STPG2: variants seen among roughly 807,000 people sequenced by gnomAD.
STPG2 encodes sperm-tail PG-rich repeat-containing protein 2.
STPG2 carries 56 observed loss-of-function variants against 54.2 expected under a neutral mutation model. The ratio of observed to expected loss-of-function variants is 1.03; its 90% confidence interval spans 0.83 to 1.29. STPG2 has a LOEUF of 1.29. Among genes scored for constraint, STPG2 ranks in the 50% most tolerant of loss-of-function variants. The pLI, the probability that STPG2 is intolerant of heterozygous loss-of-function variation, is 0.00. For synonymous variants in STPG2, 200 were observed against 181.8 expected, an observed-to-expected ratio of 1.10 and a Z score of -0.81; for missense variants, 596 against 544.9, an observed-to-expected ratio of 1.09 and a Z score of -0.93.
At chr4:97,749,725 T>C (rs529489353) in intron 9 of STPG2, among the ~76,000 whole-genome samples, 1 of 151,886 alleles carries the variant, frequency 6.6e-6, no homozygotes, top group Admixed American at 6.6e-5. Context: ...TGTATGGTGG[T>C]TGTAATTTTA....
At chr4:97,606,085 T>C (rs970394521) in intron 10 of STPG2, among the ~76,000 whole-genome samples, 1 of 151,856 alleles carries the variant, frequency 6.6e-6, no homozygotes, top group Non-Finnish European at 1.5e-5. Context: ...TTTGAAATGA[T>C]TTAGGACCTT....
At chr4:98,089,610 C>G (rs1016556773) in intron 5 of STPG2, among the ~76,000 whole-genome samples, 2 of 151,510 alleles carry the variant, frequency 1.3e-5, no homozygotes, top group African/African-American at 2.4e-5. Context: ...CTACTTTTAG[C>G]TTTTTAAGGA....
intron 8 of STPG2, among the ~76,000 whole-genome samples, chr4:97,865,175 A>AT (rs1197912488): frequency 1.3e-5 from 2 of 152,112 alleles, no homozygotes; most frequent in Non-Finnish European, 2.9e-5. Context: ...ATGGGAGAAA[A>AT]TTTTTGCAAT....
intron 9 of STPG2, among the ~76,000 whole-genome samples, chr4:97,715,237 T>C (rs1186616634): frequency 1.3e-5 from 2 of 152,192 alleles, no homozygotes; most frequent in Admixed American, 1.3e-4. Context: ...CTCTCATTCA[T>C]AGCTAGATTA....
intron 7 of STPG2, among the ~76,000 whole-genome samples, chr4:97,961,258 A>T (rs1307264696): frequency 6.6e-6 from 1 of 152,104 alleles, no homozygotes; most frequent in African/African-American, 2.4e-5. Flanking sequence ...AGAAGATAAC[A>T]CCAGCAAAAA....
intron 5 of STPG2, among the ~76,000 whole-genome samples, chr4:98,070,604 C>T (rs984165678): frequency 6.6e-6 from 1 of 151,920 alleles, no homozygotes; most frequent in African/African-American, 2.4e-5. Context: ...AATCCTATAT[C>T]TAGAAAAACC....
At chr4:97,783,924 G>A (rs1016917903) in intron 9 of STPG2, among the ~76,000 whole-genome samples, 1 of 152,050 alleles carries the variant, frequency 6.6e-6, no homozygotes, top group African/African-American at 2.4e-5. Context: ...GTCATGGGGT[G>A]GGGGGAGAGG....
intron 4 of STPG2, among the ~76,000 whole-genome samples, chr4:97,477,562 C>T (rs1246470101): frequency 6.0e-5 from 9 of 150,606 alleles, no homozygotes; most frequent in Admixed American, 1.3e-4. Flanking sequence ...CTGCAAGCTC[C>T]GCCTCCCAGG....
At chr4:97,803,478 A>C (rs984349091) in intron 9 of STPG2, among the ~76,000 whole-genome samples, 1 of 152,174 alleles carries the variant, frequency 6.6e-6, no homozygotes, top group African/African-American at 2.4e-5. Flanking sequence ...GGGAGGATCT[A>C]TTCCAAGCAG....
chr4:98,066,000 T>C (rs1456141890), intron 5 of STPG2, among the ~76,000 whole-genome samples: 1 of 151,886 alleles, frequency 6.6e-6, no homozygotes, highest in East Asian at 1.9e-4. Flanking sequence ...ATCATTAAAT[T>C]TAATAATTTA....
intron 9 of STPG2, among the ~76,000 whole-genome samples, chr4:97,737,350 A>G (rs1226808794): frequency 2.0e-5 from 3 of 152,338 alleles, no homozygotes; most frequent in African/African-American, 4.8e-5. Context: ...AACGGAACAA[A>G]GCTGGACGGA....
At position 97,470,091 on chromosome 4, in the gene STPG2, T is replaced by C. The variant is rs537745234; in HGVS notation, c.462+242608A>G. Among the ~76,000 whole-genome samples, 5 of 152,292 alleles carry C rather than the reference T, an allele frequency of 3.3e-5. No individual in the cohort carries two copies. The South Asian group carries it at 1.0e-3, about 32-fold the overall frequency. On this transcript the variant is annotated intron_variant, in intron 4 of 4. Transcript: ENST00000522676. Reference sequence around the variant, plus strand: ...AGCTATGATTGTAGATGGTTTATGCTTATTTCCATCTTATAAAATAAAATG... The same window carrying C: ...AGCTATGATTGTAGATGGTTTATGCCTATTTCCATCTTATAAAATAAAATG...
chr4:97,588,149 G>C (rs909815171), intron 10 of STPG2, among the ~76,000 whole-genome samples: 3 of 151,872 alleles, frequency 2.0e-5, no homozygotes, highest in Non-Finnish European at 4.4e-5. Flanking sequence ...ATGCCAAGGT[G>C]GGTAGATCAC....
At chr4:97,789,062 G>A (rs1726914613) in intron 9 of STPG2, among the ~76,000 whole-genome samples, 4 of 151,792 alleles carry the variant, frequency 2.6e-5, no homozygotes, top group Admixed American at 2.0e-4. Context: ...AATGGTACAT[G>A]GGAAAATCAC....
chr4:97,778,958 A>C (rs1726490979), intron 9 of STPG2, among the ~76,000 whole-genome samples: 2 of 152,194 alleles, frequency 1.3e-5, no homozygotes, highest in Non-Finnish European at 2.9e-5. Flanking sequence ...GATCAAAGGT[A>C]GATAAAACCA....
rs891824075 is a variant in STPG2 at position 97,936,284 on chromosome 4, A to G, written c.1044+7613T>C. ...GCCTAAGTGTGTCTTTCTGCATGAGATGTGTCTCTTGAATACAGCACACTG... is the reference window on the plus strand; with the variant it reads ...GCCTAAGTGTGTCTTTCTGCATGAGGTGTGTCTCTTGAATACAGCACACTG... On this transcript the variant is annotated intron_variant, in intron 8 of 10. Coordinates refer to ENST00000295268, the MANE Select transcript of STPG2 (RefSeq NM_174952.3). 5.9e-5 allele frequency among the ~76,000 whole-genome samples: 9 copies of G among 152,132 alleles called. No individual in the cohort carries two copies. In the East Asian group the frequency reaches 1.7e-3, roughly 30 times the overall value.
chr4:97,574,650 G>T (rs796418988), intron 10 of STPG2, among the ~76,000 whole-genome samples: 3 of 152,056 alleles, frequency 2.0e-5, no homozygotes, highest in African/African-American at 7.2e-5. Flanking sequence ...AGGTTTTATG[G>T]TTTGTTTCAG....
At chr4:97,786,165 C>A (rs1011561520) in intron 9 of STPG2, among the ~76,000 whole-genome samples, 1 of 150,788 alleles carries the variant, frequency 6.6e-6, no homozygotes. Flanking sequence ...AGCCAATCAC[C>A]CTTTCCCTGC....
At chr4:97,771,360 G>A (rs1047035760) in intron 9 of STPG2, among the ~76,000 whole-genome samples, 1 of 152,100 alleles carries the variant, frequency 6.6e-6, no homozygotes, top group Non-Finnish European at 1.5e-5. Flanking sequence ...AGTACCTAAC[G>A]AAGGACAAAC....
Sources: allele counts gnomAD v4.1 joint callset (sites outside exome capture counted in the v4.1 genomes callset), GRCh38; gene constraint gnomAD v4.1.1; transcripts MANE v1.5; gene names NCBI Gene and HGNC (gene_info 2026-07-23, HGNC 2026-07-21).